AGAP1: variants seen among roughly 807,000 people sequenced by gnomAD.
AGAP1 encodes the protein arf-GAP with GTPase, ANK repeat and PH domain-containing protein 1.
A neutral mutation model predicts 105.3 loss-of-function variants in AGAP1; 29 were observed. The observed-to-expected ratio is 0.28, with a 90% CI of 0.21 to 0.38. The LOEUF (loss-of-function observed/expected upper bound fraction) is 0.38, where lower values mean the gene tolerates loss of function less well. Ranked by LOEUF, AGAP1 falls within the 10% of genes least tolerant of loss-of-function variation. The probability of loss-of-function intolerance (pLI) is 1.00; values close to 1 mark genes in which losing one functional copy is unlikely to be tolerated. For synonymous variants in AGAP1, 509 were observed against 485.9 expected (o/e 1.05, Z -0.63); for missense variants, 998 against 1,165.1 (o/e 0.86, Z 2.09).
Position 235,982,677 on chromosome 2 carries a change from G to A in AGAP1, c.1645+14054G>A, listed in dbSNP as rs1300526243. Among the ~76,000 whole-genome samples the A allele has an allele frequency of 6.6e-6, 1 of 152,230 alleles. No homozygotes were observed. Among genetic ancestry groups the A allele is most frequent in the African/African-American group, 2.4e-5 (1 of 41,468 alleles). ...GAAATACTTGCCCAGTCCGTTCGTG[G>A]AAGGAAAGAACCGAAGCCAGCCCTT... On this transcript the variant is annotated intron_variant, in intron 13 of 17. Transcript: ENST00000304032. The surrounding 1 kb of genome is among the most constrained non-coding windows in gnomAD (Gnocchi z 4.9).
chr2:235,671,452 G>T (rs11695513), intron 1 of AGAP1, among the ~76,000 whole-genome samples: 1 of 152,020 alleles, frequency 6.6e-6, no homozygotes, highest in Admixed American at 6.5e-5. Context: ...GCACAGGTGC[G>T]GCTGCCTGGA....
At chr2:235,707,486 C>T (rs1461290904) in intron 1 of AGAP1, among the ~76,000 whole-genome samples, 2 of 119,346 alleles carry the variant, frequency 1.7e-5, no homozygotes, top group African/African-American at 3.1e-5. Flanking sequence ...CCCCCCCCCC[C>T]GCCCAGAACA....
intron 11 of AGAP1, among the ~76,000 whole-genome samples, chr2:235,913,698 A>G (rs1257734134): frequency 6.6e-6 from 1 of 152,192 alleles, no homozygotes; most frequent in Non-Finnish European, 1.5e-5. Flanking sequence ...ATTTTTCCTC[A>G]AATGAACTAA....
chr2:235,996,826 C>T (rs945554293), intron 13 of AGAP1, among the ~76,000 whole-genome samples: 49 of 152,270 alleles, frequency 3.2e-4, no homozygotes, highest in African/African-American at 1.0e-3. Context: ...CATCAAAAGA[C>T]GCCTGCATAC....
rs1003531351 is a variant in AGAP1 at position 235,714,784 on chromosome 2, T to C, written c.223-2773T>C. Among the ~76,000 whole-genome samples, 1 of 152,178 alleles carries C rather than the reference T, an allele frequency of 6.6e-6. No individual in the cohort carries two copies. Among genetic ancestry groups the C allele is most frequent in the Non-Finnish European group, 1.5e-5 (1 of 68,000 alleles). On this transcript the variant is annotated intron_variant, in intron 2 of 17. Transcript: ENST00000304032. The surrounding 1 kb of genome is among the most constrained non-coding windows in gnomAD (Gnocchi z 4.1). ...ATTTGTTCTCTTATATGTTTGTTTG[T>C]TTTCTTTTTTGTTGTTGTTTTTGTT...
intron 9 of AGAP1, among the ~76,000 whole-genome samples, chr2:235,810,873 A>T (rs1481937751): frequency 3.6e-5 from 5 of 139,490 alleles, no homozygotes; most frequent in African/African-American, 1.1e-4. Flanking sequence ...GGTCTATTCG[A>T]GTAAAAATTA....
chr2:235,511,996 A>ATGTG (rs1370824369), intron 1 of AGAP1, among the ~76,000 whole-genome samples: 85 of 72,448 alleles, frequency 1.2e-3, no homozygotes, highest in African/African-American at 8.6e-3. Context: ...GCGTGTGTGA[A>ATGTG]TGCGTGTGTG....
chr2:235,563,260 C>T (rs1056687932), intron 1 of AGAP1, among the ~76,000 whole-genome samples: 2 of 152,134 alleles, frequency 1.3e-5, no homozygotes, highest in Non-Finnish European at 2.9e-5. Flanking sequence ...GTCCCCAGCA[C>T]TTCATTTCTT....
chr2:235,763,057 T>TGTGTGCGC (rs953192018), intron 6 of AGAP1, among the ~76,000 whole-genome samples: 1 of 107,012 alleles, frequency 9.3e-6, no homozygotes, highest in African/African-American at 3.0e-5. Context: ...TGTGTATGTG[T>TGTGTGCGC]GCGCGCGCGC....
chr2:235,650,612 G>A (rs2149321979), intron 1 of AGAP1, among the ~76,000 whole-genome samples: 1 of 152,296 alleles, frequency 6.6e-6, no homozygotes, highest in East Asian at 1.9e-4. Context: ...GAGGTCCTGA[G>A]TGTTCCTGGA....
rs572085636 is a variant in AGAP1, at chr2:235,602,981, C to T, written c.164-106198C>T. ...CCTCCCAAAGTGCTGGGATTGCAGG[C>T]GTGAGCCACCGTGCCTGGCCCATCG... On this transcript the variant is annotated intron_variant, in intron 1 of 17. Coordinates refer to ENST00000304032, the MANE Select transcript of AGAP1 (RefSeq NM_001037131.3). 3.3e-4 allele frequency among the ~76,000 whole-genome samples: 51 copies of T among 152,270 alleles called. No individual in the cohort carries two copies. The East Asian group carries it at 6.4e-3, about 19-fold the overall frequency.
chr2:235,822,757 G>A (rs942092438), intron 9 of AGAP1, among the ~76,000 whole-genome samples: 39 of 152,362 alleles, frequency 2.6e-4, no homozygotes, highest in Middle Eastern at 3.4e-3. Flanking sequence ...CGAGCTGGGA[G>A]TGGTGAGTGT....
intron 9 of AGAP1, among the ~76,000 whole-genome samples, chr2:235,881,990 T>C (rs1326635584): frequency 6.6e-6 from 1 of 152,196 alleles, no homozygotes; most frequent in Non-Finnish European, 1.5e-5. Flanking sequence ...AAATTCTGCT[T>C]TACAAATATA....
chr2:235,955,243 A>C (rs1027507820), intron 12 of AGAP1, among the ~76,000 whole-genome samples: 9 of 152,138 alleles, frequency 5.9e-5, no homozygotes, highest in Non-Finnish European at 1.3e-4. Context: ...CCTGACCTCC[A>C]TCTGCTTCCT....
intron 1 of AGAP1, among the ~76,000 whole-genome samples, chr2:235,638,486 C>T (rs781763087): frequency 2.6e-5 from 4 of 152,140 alleles, no homozygotes; most frequent in East Asian, 3.9e-4. Flanking sequence ...ATCACAATGG[C>T]GATGGAAAAT....
In AGAP1 at chr2:235,843,973, C is replaced by T. The variant is rs765611449; in HGVS notation, c.1050+36642C>T. Among the ~76,000 whole-genome samples, 4 of 152,178 alleles carry T rather than the reference C, an allele frequency of 2.6e-5. No individual in the cohort carries two copies. Among genetic ancestry groups the T allele is most frequent in the Non-Finnish European group, 4.4e-5 (3 of 68,030 alleles). ...CATCAGTGTCACTCAGGACCTTGCC[C>T]GCTGCCCCAGCTCAGAGCTTGAACC... On this transcript the variant is annotated intron_variant, in intron 9 of 17. Transcript: ENST00000304032. The surrounding 1 kb of genome is among the most constrained non-coding windows in gnomAD (Gnocchi z 5.9).
chr2:235,539,089 C>T lies in AGAP1; in HGVS notation c.163+44240C>T, dbSNP rs114211338. 9.5e-3 allele frequency among the ~76,000 whole-genome samples: 1,448 copies of T among 152,278 alleles called. 18 individuals are homozygous for T. The highest frequency in any genetic ancestry group is 0.02 in the Middle Eastern group (6 of 294). ...GGGTGAGAAAGAGAACCCGTGCCTA[C>T]CTGCCTTTTCCTGATTTGAAATGGT... On this transcript the variant is annotated intron_variant, in intron 1 of 17. Transcript: ENST00000304032.
rs2056192214 is a variant in AGAP1, at chr2:236,003,116, C to T, written c.1646-33445C>T. ...GGAGTGCAGTGGCACGGTCTCAGCTCTTACTGCAGCCTCTGCCTCCCAGGT... is the reference window on the plus strand; with the variant it reads ...GGAGTGCAGTGGCACGGTCTCAGCTTTTACTGCAGCCTCTGCCTCCCAGGT... On this transcript the variant is annotated intron_variant, in intron 13 of 17. Coordinates refer to ENST00000304032, the MANE Select transcript of AGAP1 (RefSeq NM_001037131.3). This position sits in a 1 kb window ranked among gnomAD's most constrained non-coding sequence, Gnocchi z 4.2. 6.6e-6 allele frequency among the ~76,000 whole-genome samples: 1 copy of T among 152,242 alleles called. No homozygotes were observed. The highest frequency in any genetic ancestry group is 6.5e-5 in the Admixed American group (1 of 15,288).
intron 1 of AGAP1, among the ~76,000 whole-genome samples, chr2:235,675,343 A>G (rs1384183176): frequency 1.3e-5 from 2 of 151,878 alleles, no homozygotes; most frequent in African/African-American, 2.4e-5. Flanking sequence ...GGTGCCCGCC[A>G]CCACGCCCGG....
Sources: gnomAD v4.1 joint callset for allele counts (sites outside exome capture counted in the v4.1 genomes callset) on GRCh38, gnomAD v4.1.1 for gene constraint, Gnocchi (gnomAD v3.1) non-coding constraint, MANE v1.5 for transcripts, NCBI Gene and HGNC (gene_info 2026-07-23, HGNC 2026-07-21) for gene names.